FAM117B: variants seen among roughly 807,000 people sequenced by gnomAD.
FAM117B encodes protein FAM117B.
A neutral mutation model predicts 52.8 loss-of-function variants in FAM117B; 22 were observed. The observed-to-expected ratio is 0.42, with a 90% confidence interval of 0.30 to 0.59. FAM117B has a LOEUF of 0.59. Ranked by LOEUF, FAM117B falls within the 20% of genes least tolerant of loss-of-function variation. The probability of loss-of-function intolerance (pLI) is 0.22; values close to 1 mark genes in which losing one functional copy is unlikely to be tolerated. For synonymous variants in FAM117B, 309 were observed against 324.1 expected (o/e 0.95, Z 0.50); for missense variants, 678 against 802.6 (o/e 0.84, Z 1.88).
At chr2:202,648,335 C>T (rs760883359) in intron 1 of FAM117B, among the ~76,000 whole-genome samples, 1 of 152,024 alleles carries the variant, frequency 6.6e-6, no homozygotes, top group Non-Finnish European at 1.5e-5. Context: ...CATGGTGAAA[C>T]CCCGTCTCTA....
intron 1 of FAM117B, among the ~76,000 whole-genome samples, chr2:202,688,002 T>A (rs1045705299): frequency 1.3e-5 from 2 of 152,210 alleles, no homozygotes; most frequent in African/African-American, 2.4e-5. Flanking sequence ...AAATAAATTG[T>A]GGAAATTCAT....
chr2:202,661,670 C>T (rs1250288581), intron 1 of FAM117B, among the ~76,000 whole-genome samples: 1 of 152,140 alleles, frequency 6.6e-6, no homozygotes, highest in African/African-American at 2.4e-5. Context: ...AATCCTAGCT[C>T]TTTAGAAGGC....
chr2:202,714,858 T>C (rs967816538), intron 2 of FAM117B, among the ~76,000 whole-genome samples: 6 of 151,030 alleles, frequency 4.0e-5, no homozygotes, highest in East Asian at 1.9e-4. Flanking sequence ...GGTAAGGTCA[T>C]AGATCAACAG....
chr2:202,675,984 CAAAA>C (rs778502048), intron 1 of FAM117B, among the ~76,000 whole-genome samples: 1 of 56,752 alleles, frequency 1.8e-5, no homozygotes, highest in Non-Finnish European at 3.9e-5. Flanking sequence ...GACACAGTCT[CAAAA>C]AAAAAAAAAA....
intron 4 of FAM117B, among the ~76,000 whole-genome samples, chr2:202,742,754 CCA>C (rs1230478159): frequency 6.6e-6 from 1 of 152,040 alleles, no homozygotes; most frequent in African/African-American, 2.4e-5. Context: ...ACAACATATA[CCA>C]CAGACACAAA....
At position 202,765,931 on chromosome 2, in the gene FAM117B, C is replaced by G. The variant is rs1691970692; in HGVS notation, c.*167C>G. 1 of 675,516 alleles carries G rather than the reference C, an allele frequency of 1.5e-6. No individual in the cohort carries two copies. The highest frequency in any genetic ancestry group is 2.7e-5 in the East Asian group (1 of 36,498). The allele number at this position is 675,516 out of a possible 1,614,324, so 41.8% of individuals were successfully genotyped here. On this transcript the variant is annotated 3_prime_UTR_variant, in exon 8 of 8. Coordinates refer to ENST00000392238, the MANE Select transcript of FAM117B (RefSeq NM_173511.4). ...AGGATCCCCCGTGACGGCTCTGCCCCACTTGTGAACGCCAACCCTCAGTGC... is the reference window on the plus strand; with the variant it reads ...AGGATCCCCCGTGACGGCTCTGCCCGACTTGTGAACGCCAACCCTCAGTGC...
At chr2:202,644,563 G>C (rs778740431) in intron 1 of FAM117B, among the ~76,000 whole-genome samples, 6 of 152,092 alleles carry the variant, frequency 3.9e-5, no homozygotes, top group Non-Finnish European at 8.8e-5. Context: ...TCCTGTTTTG[G>C]ATACTCTAAT....
At chr2:202,655,340 A>G (rs1427149296) in intron 1 of FAM117B, among the ~76,000 whole-genome samples, 1 of 152,148 alleles carries the variant, frequency 6.6e-6, no homozygotes, top group Non-Finnish European at 1.5e-5. Context: ...ACATTTGTAT[A>G]CAGGTTTTTT....
intron 1 of FAM117B, among the ~76,000 whole-genome samples, chr2:202,647,400 A>G (rs1412169909): frequency 6.6e-6 from 1 of 152,196 alleles, no homozygotes; most frequent in Admixed American, 6.5e-5. Flanking sequence ...ACTGAAAAAA[A>G]CAGTTTATTT....
chr2:202,759,543 C>A lies in FAM117B; in HGVS notation c.1451+190C>A, dbSNP rs73054762. 9.4e-3 allele frequency among the ~76,000 whole-genome samples: 1,422 copies of A among 150,518 alleles called. 20 individuals are homozygous for A. Among genetic ancestry groups the A allele is most frequent in the African/African-American group, 0.033 (1,351 of 41,026 alleles). On this transcript the variant is annotated intron_variant, in intron 7 of 7. Coordinates refer to ENST00000392238, the MANE Select transcript of FAM117B (RefSeq NM_173511.4). ...AGTAGCTGGGAATACAGATGCACAC[C>A]ACTAGCCTGGCTAATTTTTTTTTTT... is the stretch of plus-strand genomic sequence containing the variant.
intron 2 of FAM117B, among the ~76,000 whole-genome samples, chr2:202,715,820 C>G (rs1390788409): frequency 2.0e-5 from 3 of 152,270 alleles, no homozygotes; most frequent in African/African-American, 7.2e-5. Flanking sequence ...GAGACTCCGT[C>G]TGCAATCCCG....
In FAM117B at chr2:202,765,855, T is replaced by C; in HGVS notation, c.*91T>C. The C allele has an allele frequency of 7.5e-7, 1 of 1,328,288 alleles. No homozygotes were observed. The highest frequency in any genetic ancestry group is 1.0e-6 in the Non-Finnish European group (1 of 969,986). 82.3% of individuals were successfully genotyped at this position (1,328,288 alleles called of 1,614,324 possible). A position where few individuals can be genotyped will look rare whatever the true frequency, so the allele number is the denominator to read the frequency against. The stretch of plus-strand genomic sequence containing the variant: ...GGCATCGTGCGCTTCTGGTCGGCTG[T>C]GATGTGCTCCAGCTTTCCAGTGACA... On this transcript the variant is annotated 3_prime_UTR_variant, in exon 8 of 8. Transcript: ENST00000392238.
intron 1 of FAM117B, among the ~76,000 whole-genome samples, chr2:202,636,930 G>C (rs1449515228): frequency 1.3e-5 from 2 of 152,190 alleles, no homozygotes; most frequent in Admixed American, 1.3e-4. Flanking sequence ...TTGAGACAGA[G>C]TTTCTGTTGC....
intron 1 of FAM117B, among the ~76,000 whole-genome samples, chr2:202,684,541 T>G (rs1392258554): frequency 1.3e-5 from 2 of 152,192 alleles, no homozygotes; most frequent in Non-Finnish European, 2.9e-5. Context: ...TTTTCAGATT[T>G]TTTGCTAATG....
At position 202,753,169 on chromosome 2, in the gene FAM117B, A is replaced by T. The variant is rs554949098; in HGVS notation, c.961-2369A>T. ...CAGCATGGTACTGGTACCAAAGCAG[A>T]CATATAGACCAACGGAGCAGGACAG... On this transcript the variant is annotated intron_variant, in intron 4 of 7. Transcript: ENST00000392238. 4.5e-4 allele frequency among the ~76,000 whole-genome samples: 69 copies of T among 152,344 alleles called. 1 individual carries two copies. The highest frequency in any genetic ancestry group is 4.4e-3 in the Admixed American group (68 of 15,296).
chr2:202,704,661 A>G lies in FAM117B; in HGVS notation c.753+8629A>G, dbSNP rs536717153. Reference sequence around the variant, plus strand: ...GGCTAGAGTGCAGTGGCACAATCTCAGCTCACTGCAGCCTCTGCCTCCCAA... The same window carrying G: ...GGCTAGAGTGCAGTGGCACAATCTCGGCTCACTGCAGCCTCTGCCTCCCAA... On this transcript the variant is annotated intron_variant, in intron 2 of 7. Coordinates refer to ENST00000392238, the MANE Select transcript of FAM117B (RefSeq NM_173511.4). 3.3e-5 allele frequency among the ~76,000 whole-genome samples: 5 copies of G among 152,232 alleles called. 1 individual carries two copies. Among genetic ancestry groups the G allele is most frequent in the African/African-American group, 1.2e-4 (5 of 41,534 alleles).
At chr2:202,741,118 G>A (rs1691527516) in intron 4 of FAM117B, among the ~76,000 whole-genome samples, 1 of 152,068 alleles carries the variant, frequency 6.6e-6, no homozygotes, top group African/African-American at 2.4e-5. Context: ...AAGTCAGTTA[G>A]AGCCATTAGA....
At chr2:202,735,450 T>C (rs1691424142) in intron 4 of FAM117B, among the ~76,000 whole-genome samples, 1 of 152,220 alleles carries the variant, frequency 6.6e-6, no homozygotes, top group Non-Finnish European at 1.5e-5. Flanking sequence ...TAGTTTTTCT[T>C]GGGCTTACAG....
intron 1 of FAM117B, among the ~76,000 whole-genome samples, chr2:202,671,906 T>C (rs1321218380): frequency 6.6e-6 from 1 of 152,208 alleles, no homozygotes; most frequent in Non-Finnish European, 1.5e-5. Flanking sequence ...AATCAATGAC[T>C]CAGAGACCCA....
Sources: gnomAD v4.1 joint callset for allele counts (sites outside exome capture counted in the v4.1 genomes callset) on GRCh38, gnomAD v4.1.1 for gene constraint, MANE v1.5 for transcripts, NCBI Gene and HGNC (gene_info 2026-07-23, HGNC 2026-07-21) for gene names.